The following ADGRL3 variants were observed in gnomAD, a reference collection of about 807,000 sequenced individuals.
The protein encoded by ADGRL3 is calcium-independent alpha-latrotoxin receptor 3.
ADGRL3 carries 62 observed loss-of-function variants against 153.5 expected under a neutral mutation model. The observed-to-expected ratio is 0.40, with a 90% CI of 0.33 to 0.50. The LOEUF (loss-of-function observed/expected upper bound fraction) is 0.50. Among genes scored for constraint, ADGRL3 ranks in the 20% least tolerant of loss-of-function variants. The pLI is 0.47. For synonymous variants in ADGRL3, 710 were observed against 672.5 expected (o/e 1.06, Z -0.86); for missense variants, 1,641 against 1,859.4 (o/e 0.88, Z 2.16).
intron 1 of ADGRL3, among the ~76,000 whole-genome samples, chr4:61,319,976 G>T (rs2150731201): frequency 6.6e-6 from 1 of 152,238 alleles, no homozygotes; most frequent in Admixed American, 6.5e-5. Flanking sequence ...AGCTGAGAAG[G>T]TGATCATGGT....
intron 13 of ADGRL3, among the ~76,000 whole-genome samples, chr4:61,929,968 G>A (rs1300056944): frequency 6.6e-6 from 1 of 152,106 alleles, no homozygotes; most frequent in Non-Finnish European, 1.5e-5. Flanking sequence ...GAGGTCAGGA[G>A]ATTGAGACCA....
chr4:61,358,609 A>AAAG (rs1364873516), intron 1 of ADGRL3, among the ~76,000 whole-genome samples: 14 of 150,812 alleles, frequency 9.3e-5, no homozygotes, highest in Admixed American at 5.3e-4. Flanking sequence ...AAAAAAAAAA[A>AAAG]AAAAAAAAGA....
intron 2 of ADGRL3, among the ~76,000 whole-genome samples, chr4:61,478,069 T>A (rs770716509): frequency 2.0e-5 from 3 of 152,094 alleles, no homozygotes; most frequent in Non-Finnish European, 4.4e-5. Context: ...TCATTTTTTC[T>A]TATGAATTTG....
At chr4:61,328,407 G>C (rs143536886) in intron 1 of ADGRL3, among the ~76,000 whole-genome samples, 99 of 152,224 alleles carry the variant, frequency 6.5e-4, no homozygotes, top group African/African-American at 2.2e-3. Context: ...AACTTGTAAG[G>C]CATATGCCAG....
At chr4:61,495,037 T>C (rs1392165763) in intron 2 of ADGRL3, among the ~76,000 whole-genome samples, 3 of 152,160 alleles carry the variant, frequency 2.0e-5, no homozygotes, top group Non-Finnish European at 2.9e-5. Flanking sequence ...CATAGAACCA[T>C]ATGAATTAAG....
chr4:61,268,358 T>C (rs1385577260), intron 1 of ADGRL3, among the ~76,000 whole-genome samples: 1 of 151,648 alleles, frequency 6.6e-6, no homozygotes, highest in Non-Finnish European at 1.5e-5. Flanking sequence ...CTTCTTTCTA[T>C]GTAGATGCAA....
At chr4:61,383,675 A>G (rs1425233673) in intron 2 of ADGRL3, among the ~76,000 whole-genome samples, 1 of 151,836 alleles carries the variant, frequency 6.6e-6, no homozygotes, top group Non-Finnish European at 1.5e-5. Context: ...ATATTAGGTA[A>G]TAAAATATAT....
chr4:61,606,710 A>T (rs929731550), intron 5 of ADGRL3, among the ~76,000 whole-genome samples: 1 of 152,200 alleles, frequency 6.6e-6, no homozygotes, highest in Non-Finnish European at 1.5e-5. Flanking sequence ...AATTTAGTCC[A>T]TAATAATGAT....
At chr4:61,605,198 T>A (rs1213706030) in intron 5 of ADGRL3, among the ~76,000 whole-genome samples, 1 of 149,706 alleles carries the variant, frequency 6.7e-6, no homozygotes, top group Non-Finnish European at 1.5e-5. Context: ...AAAGAAAGTA[T>A]CTTGCAACAA....
chr4:61,219,804 C>T (rs1229480538), intron 1 of ADGRL3, among the ~76,000 whole-genome samples: 1 of 152,074 alleles, frequency 6.6e-6, no homozygotes. Context: ...CTGTTTCAAA[C>T]CTCTGAAAAT....
chr4:61,699,659 G>A lies in ADGRL3; in HGVS notation c.583+22724G>A, dbSNP rs573157122. On this transcript the variant is annotated intron_variant, in intron 6 of 26. Transcript: ENST00000683033. ...CATTAGGATTTTTATTTCTAACATT[G>A]TATGTTCGACATTTTTGATCTTATC... 7.9e-5 allele frequency among the ~76,000 whole-genome samples: 12 copies of A among 152,144 alleles called. No individual in the cohort carries two copies. The South Asian group carries it at 2.5e-3, about 31-fold the overall frequency.
chr4:61,680,430 GT>G (rs2095311741), intron 6 of ADGRL3, among the ~76,000 whole-genome samples: 1 of 150,088 alleles, frequency 6.7e-6, no homozygotes, highest in African/African-American at 2.5e-5. Flanking sequence ...GTGTGTGTGT[GT>G]GTGTGTGTGT....
chr4:61,791,979 G>T (rs111303389), intron 8 of ADGRL3, among the ~76,000 whole-genome samples: 2 of 152,172 alleles, frequency 1.3e-5, no homozygotes, highest in African/African-American at 4.8e-5. Flanking sequence ...ACCTGTGATG[G>T]GAGGGACTGC....
intron 4 of ADGRL3, among the ~76,000 whole-genome samples, chr4:61,521,147 C>T (rs1277676173): frequency 6.6e-6 from 1 of 152,096 alleles, no homozygotes; most frequent in East Asian, 1.9e-4. Context: ...TTCTGTGGAG[C>T]ATGTAGGGGG....
At chr4:61,769,119 C>T (rs1267342964) in intron 8 of ADGRL3, among the ~76,000 whole-genome samples, 2 of 152,036 alleles carry the variant, frequency 1.3e-5, no homozygotes, top group Admixed American at 6.5e-5. Context: ...GGCAGGCGTC[C>T]CTGCGTGGTC....
intron 1 of ADGRL3, among the ~76,000 whole-genome samples, chr4:61,210,817 T>C (rs1310877351): frequency 3.3e-5 from 5 of 152,208 alleles, no homozygotes. Context: ...CATTTTCTGT[T>C]AACACAAGGC....
At chr4:61,774,430 T>G (rs1299512547) in intron 8 of ADGRL3, among the ~76,000 whole-genome samples, 1 of 146,110 alleles carries the variant, frequency 6.8e-6, no homozygotes, top group Non-Finnish European at 1.5e-5. Context: ...AAATAAAAAA[T>G]AATACGATTT....
In ADGRL3 at chr4:61,791,513, G is replaced by A. The variant is rs923427696; in HGVS notation, c.1400-22296G>A. On this transcript the variant is annotated intron_variant, in intron 8 of 26. Coordinates refer to ENST00000683033, the MANE Select transcript of ADGRL3 (RefSeq NM_001387552.1). ...CCCTCCTGGCTGCTTTCATGGGCTG[G>A]CATTGAGTGTCTGCAGCTTTTTCCA... 9.5e-4 allele frequency among the ~76,000 whole-genome samples: 145 copies of A among 152,284 alleles called. 3 individuals are homozygous for A. Among genetic ancestry groups the A allele is most frequent in the Non-Finnish European group, 4.3e-4 (29 of 68,020 alleles).
At chr4:61,572,249 C>T (rs931406712) in intron 4 of ADGRL3, among the ~76,000 whole-genome samples, 2 of 152,034 alleles carry the variant, frequency 1.3e-5, no homozygotes. Context: ...CAAATATTAT[C>T]CCAGTGGGTT....
Sources: allele counts gnomAD v4.1 joint callset (sites outside exome capture counted in the v4.1 genomes callset), GRCh38; gene constraint gnomAD v4.1.1; transcripts MANE v1.5; gene names NCBI Gene and HGNC (gene_info 2026-07-23, HGNC 2026-07-21).